Variants in PTPRD observed in about 807,000 individuals in gnomAD.
The protein encoded by PTPRD is protein tyrosine phosphatase receptor type D.
A neutral mutation model predicts 214.5 loss-of-function variants in PTPRD; 34 were observed. The observed-to-expected ratio is 0.16, with a 90% CI of 0.12 to 0.21. The LOEUF (loss-of-function observed/expected upper bound fraction) is 0.21. Ranked by LOEUF, PTPRD falls within the 10% of genes least tolerant of loss-of-function variation. The pLI, the probability that PTPRD is intolerant of heterozygous loss-of-function variation, is 1.00. For missense variants in PTPRD, 2,545 were observed against 2,398.7 expected (o/e 1.06, Z -1.27); for synonymous variants, 1,128 against 845.7 (o/e 1.33, Z -5.79).
intron 3 of PTPRD, among the ~76,000 whole-genome samples, chr9:10,303,292 C>T (rs2095927598): frequency 6.6e-5 from 10 of 152,066 alleles, no homozygotes; most frequent in Admixed American, 6.6e-4. Flanking sequence ...GCACTAAATA[C>T]CCACAGGAGA....
intron 3 of PTPRD, among the ~76,000 whole-genome samples, chr9:10,166,586 T>C (rs1592940000): frequency 6.6e-6 from 1 of 152,010 alleles, no homozygotes; most frequent in South Asian, 2.1e-4. Flanking sequence ...TGTGAATTTC[T>C]CAATTTATTC....
intron 5 of PTPRD, among the ~76,000 whole-genome samples, chr9:9,871,895 T>G (rs1398543738): frequency 6.6e-6 from 1 of 152,148 alleles, no homozygotes; most frequent in African/African-American, 2.4e-5. Flanking sequence ...CTATTCTAAA[T>G]AAATCATAAT....
intron 32 of PTPRD, among the ~76,000 whole-genome samples, chr9:8,462,653 T>C (rs2096445109): frequency 6.6e-6 from 1 of 151,872 alleles, no homozygotes; most frequent in Non-Finnish European, 1.5e-5. Context: ...GCTCCTGAAA[T>C]TGAACAACTC....
chr9:9,472,509 T>G (rs566096781), intron 8 of PTPRD, among the ~76,000 whole-genome samples: 1 of 152,250 alleles, frequency 6.6e-6, no homozygotes, highest in African/African-American at 2.4e-5. Flanking sequence ...GGCCCCCTAC[T>G]CCAATCTTTA....
At chr9:8,711,963 T>C (rs10977256) in intron 12 of PTPRD, among the ~76,000 whole-genome samples, 56,788 of 152,078 alleles carry the variant, frequency 0.37, 12,540 homozygotes, top group Non-Finnish European at 0.5. Flanking sequence ...AGGCTACATA[T>C]TGCGGCAGTG....
At chr9:9,040,932 T>G (rs324523) in intron 10 of PTPRD, among the ~76,000 whole-genome samples, 43,220 of 152,028 alleles carry the variant, frequency 0.28, 6,923 homozygotes, top group Middle Eastern at 0.36. Context: ...GAACTGGTCC[T>G]ACCTTCTCAC....
At chr9:10,388,181 G>T (rs2097962957) in intron 2 of PTPRD, among the ~76,000 whole-genome samples, 1 of 151,794 alleles carries the variant, frequency 6.6e-6, no homozygotes, top group Non-Finnish European at 1.5e-5. Context: ...CAATACAAAA[G>T]ATGCTATAAT....
Position 8,316,063 on chromosome 9 carries a change from C to T in PTPRD, c.*1811G>A, listed in dbSNP as rs143455816. The T allele has an allele frequency of 2.6e-3, 585 of 228,652 alleles. 6 individuals are homozygous for T. The East Asian group carries it at 0.03, about 12-fold the overall frequency. 14.2% of individuals were successfully genotyped at this position (228,652 alleles called of 1,614,324 possible). On this transcript the variant is annotated 3_prime_UTR_variant, in exon 46 of 46. Coordinates refer to ENST00000381196, the MANE Select transcript of PTPRD (RefSeq NM_002839.4). ...GGTGCAGTTACTGCATGTTCCAGAGCGGATTTGGAAGGGAATATAAATAAA... is the reference window on the plus strand; with the variant it reads ...GGTGCAGTTACTGCATGTTCCAGAGTGGATTTGGAAGGGAATATAAATAAA...
chr9:9,076,590 T>A (rs324488), intron 10 of PTPRD, among the ~76,000 whole-genome samples: 107,720 of 151,916 alleles, frequency 0.71, 38,547 homozygotes, highest in Non-Finnish European at 0.76. Context: ...CATAATATAA[T>A]GTCCTTCAGT....
At chr9:8,891,700 T>C (rs1225525198) in intron 11 of PTPRD, among the ~76,000 whole-genome samples, 1 of 152,104 alleles carries the variant, frequency 6.6e-6, no homozygotes, top group Non-Finnish European at 1.5e-5. Context: ...CATGGCAAAA[T>C]TGGGCCAAGT....
At chr9:9,974,465 C>T (rs1347823328) in intron 4 of PTPRD, among the ~76,000 whole-genome samples, 3 of 152,124 alleles carry the variant, frequency 2.0e-5, no homozygotes, top group African/African-American at 2.4e-5. Context: ...AGTTCTTTGA[C>T]TTCAGATCAA....
intron 21 of PTPRD, 26 bp downstream of exon 21, chr9:8,517,822 C>A: frequency 6.3e-7 from 1 of 1,590,008 alleles, no homozygotes; most frequent in Non-Finnish European, 8.6e-7. Context: ...CCCTCCTGCC[C>A]TATTTCCCTC....
intron 12 of PTPRD, among the ~76,000 whole-genome samples, chr9:8,653,638 C>T (rs1412372509): frequency 6.6e-6 from 1 of 152,070 alleles, no homozygotes; most frequent in African/African-American, 2.4e-5. Context: ...AACTATACCC[C>T]TCTGTCATCT....
Position 10,017,275 on chromosome 9 carries a change from T to C in PTPRD, c.-472+16443A>G, listed in dbSNP as rs963693262. Among the ~76,000 whole-genome samples the C allele has an allele frequency of 3.3e-5, 5 of 152,218 alleles. No individual in the cohort carries two copies. In the South Asian group the frequency reaches 8.3e-4, roughly 25 times the overall value. On this transcript the variant is annotated intron_variant, in intron 4 of 45. Coordinates refer to ENST00000381196, the MANE Select transcript of PTPRD (RefSeq NM_002839.4). ...TTAACTTGTAAAATTTGTCCATTTCTTTGTCCATTTATTTTATCTTTTTTT... is the reference window on the plus strand; with the variant it reads ...TTAACTTGTAAAATTTGTCCATTTCCTTGTCCATTTATTTTATCTTTTTTT...
intron 2 of PTPRD, among the ~76,000 whole-genome samples, chr9:10,507,484 T>A (rs1213562092): frequency 6.6e-6 from 1 of 152,134 alleles, no homozygotes; most frequent in African/African-American, 2.4e-5. Flanking sequence ...ATAGCCCGCA[T>A]TGCCAAGACA....
intron 33 of PTPRD, among the ~76,000 whole-genome samples, chr9:8,451,054 C>A (rs755800645): frequency 1.3e-5 from 2 of 152,092 alleles, no homozygotes; most frequent in African/African-American, 2.4e-5. Flanking sequence ...CCACCCAGGT[C>A]GTTCTATGGT....
In PTPRD at chr9:10,499,452, C is replaced by A. The variant is rs147444478; in HGVS notation, c.-600+112946G>T. Among the ~76,000 whole-genome samples, 1,325 of 152,012 alleles carry A rather than the reference C, an allele frequency of 8.7e-3. 10 individuals are homozygous for A. The highest frequency in any genetic ancestry group is 0.017 in the Admixed American group (262 of 15,224). The stretch of plus-strand genomic sequence containing the variant: ...AAAACATCTTAAAATCTCTTACCAT[C>A]AATCATACCGGACAGTTCATGTTTT... On this transcript the variant is annotated intron_variant, in intron 2 of 45. Transcript: ENST00000381196.
At chr9:9,429,139 A>G (rs1195436806) in intron 8 of PTPRD, among the ~76,000 whole-genome samples, 1 of 152,196 alleles carries the variant, frequency 6.6e-6, no homozygotes, top group African/African-American at 2.4e-5. Flanking sequence ...AGATCAATGA[A>G]ATTGATAGGC....
At position 8,316,105 on chromosome 9, in the gene PTPRD, G is replaced by C. The variant is rs560016721; in HGVS notation, c.*1769C>G. Reference sequence around the variant, plus strand: ...ATAAATAAAACAAGTAGCTTTTTCTGATGTTGATGATTGATTATAAAAGGA... The same window carrying C: ...ATAAATAAAACAAGTAGCTTTTTCTCATGTTGATGATTGATTATAAAAGGA... On this transcript the variant is annotated 3_prime_UTR_variant, in exon 46 of 46. Transcript: ENST00000381196. 8.7e-6 allele frequency: 2 copies of C among 229,740 alleles called. No individual in the cohort carries two copies. The highest frequency in any genetic ancestry group is 1.7e-5 in the Non-Finnish European group (2 of 115,682). The allele number at this position is 229,740 out of a possible 1,614,324, so 14.2% of individuals were successfully genotyped here.
Sources: allele counts gnomAD v4.1 joint callset (sites outside exome capture counted in the v4.1 genomes callset), GRCh38; gene constraint gnomAD v4.1.1; transcripts MANE v1.5; gene names NCBI Gene and HGNC (gene_info 2026-07-23, HGNC 2026-07-21).